VCAN: variants seen among roughly 807,000 people sequenced by gnomAD.
The protein encoded by VCAN is versican core protein.
In VCAN, 44 loss-of-function variants were observed where a neutral mutation model predicts 245.5. The ratio of observed to expected loss-of-function variants is 0.18; its 90% CI spans 0.14 to 0.23. The LOEUF (loss-of-function observed/expected upper bound fraction) is 0.23. Among genes scored for constraint, VCAN ranks in the 10% least tolerant of loss-of-function variants. The probability of loss-of-function intolerance (pLI) is 1.00; values close to 1 mark genes in which losing one functional copy is unlikely to be tolerated. For synonymous variants in VCAN, 1,413 were observed against 1,437.0 expected, an observed-to-expected ratio of 0.98 and a Z score of 0.38; for missense variants, 3,793 against 4,057.9, an observed-to-expected ratio of 0.93 and a Z score of 1.77.
rs1412824553 is a variant in VCAN, at chr5:83,520,662, G to A, written c.2356G>A (p.Val786Met). The change falls in exon 7 of 15, where the codon GTG (valine) becomes ATG (methionine). Residue 786 changes from valine to methionine, a missense_variant. By Grantham distance (21) the Val-to-Met change is conservative (BLOSUM62 1). Coordinates refer to ENST00000265077, the MANE Select transcript of VCAN (RefSeq NM_004385.5). ...TTKYDENITT[V>M]LLAHGTLSVE... ...AAAATATGATGAAAATATTACAACAGTGCTTTTGGCCCATGGTACTTTAAG... is the reference window on the plus strand; with the variant it reads ...AAAATATGATGAAAATATTACAACAATGCTTTTGGCCCATGGTACTTTAAG... The A allele has an allele frequency of 1.2e-6, 2 of 1,614,008 alleles. No homozygotes were observed. The highest frequency in any genetic ancestry group is 2.2e-5 in the South Asian group (2 of 91,086).
rs544824558 is a variant in VCAN, at chr5:83,522,118, C to T, written c.3812C>T (p.Thr1271Ile). The change falls in exon 7 of 15, where the codon ACA (threonine) becomes ATA (isoleucine). Residue 1271 changes from threonine (T) to isoleucine (I), a missense_variant. By Grantham distance (89) the Thr-to-Ile change is moderately conservative. Coordinates refer to ENST00000265077, the MANE Select transcript of VCAN (RefSeq NM_004385.5). ...CTTGAAGATATTGTAGCCAAGGAAA[C>T]AGAAACCGATATTGATAGAGAGTAT... Reference protein sequence around the residue: ...TTLEDIVAKETETDIDREYFT... With the variant: ...TTLEDIVAKEIETDIDREYFT... The T allele has an allele frequency of 1.2e-6, 2 of 1,614,038 alleles. No homozygotes were observed. Among genetic ancestry groups the T allele is most frequent in the Admixed American group, 3.3e-5 (2 of 60,016 alleles).
chr5:83,520,112 A>G lies in VCAN; in HGVS notation c.1806A>G (p.Ala602=), dbSNP rs1746022253. ...THLEDLESVS[A]STTVSPLIMP... ...TAGAAGACTTGGAGTCAGTCTCAGC[A>G]TCCACAACTGTTTCCCCTTTAATTA... The change falls in exon 7 of 15, where the codon GCA becomes GCG. Residue 602 remains alanine, a synonymous_variant. Coordinates refer to ENST00000265077, the MANE Select transcript of VCAN (RefSeq NM_004385.5). 6.2e-7 allele frequency: 1 copy of G among 1,614,082 alleles called. No individual in the cohort carries two copies. Among genetic ancestry groups the G allele is most frequent in the Non-Finnish European group, 8.5e-7 (1 of 1,179,970 alleles).
intron 9 of VCAN, among the ~76,000 whole-genome samples, chr5:83,546,947 T>A (rs961585557): frequency 3.3e-5 from 5 of 152,194 alleles, no homozygotes; most frequent in Admixed American, 2.0e-4. Flanking sequence ...GGAGATCATA[T>A]GTAGAAAGAT....
intron 1 of VCAN, among the ~76,000 whole-genome samples, chr5:83,482,576 A>G (rs1224447485): frequency 6.6e-6 from 1 of 152,210 alleles, no homozygotes; most frequent in African/African-American, 2.4e-5. Context: ...GCTACCGAGG[A>G]GGGCACAACT....
intron 2 of VCAN, among the ~76,000 whole-genome samples, chr5:83,488,852 A>G (rs1744873059): frequency 6.6e-6 from 1 of 152,194 alleles, no homozygotes; most frequent in Non-Finnish European, 1.5e-5. Context: ...ATTATTTTGG[A>G]TTTATTTGCA....
intron 2 of VCAN, 35 bp from the exon 3 acceptor site, chr5:83,490,063 A>G (rs1744926165): frequency 6.2e-7 from 1 of 1,612,288 alleles, no homozygotes. Flanking sequence ...TGGGTTTTTT[A>G]AGATTGTTAA....
chr5:83,521,507 G>T lies in VCAN; in HGVS notation c.3201G>T (p.Glu1067Asp), dbSNP rs201157092. The change falls in exon 7 of 15, where the codon GAG (glutamate) becomes GAT (aspartate). Residue 1067 changes from glutamate to aspartate, a missense_variant. Physicochemically the swap from Glu to Asp is conservative, Grantham distance 45 (BLOSUM62 2). Around this residue, in one of 5 missense-constraint regions of VCAN, gnomAD observed 3,182 missense variants for 3,250.3 expected, o/e 0.98. Coordinates refer to ENST00000265077, the MANE Select transcript of VCAN (RefSeq NM_004385.5). ...CAGTAACACCACTGGATGAACAAGA[G>T]GGCGATGGATCAGCATATACAGTCT... ...KEAVTPLDEQ[E>D]GDGSAYTVSE... The T allele has an allele frequency of 1.9e-6, 3 of 1,614,092 alleles. No individual in the cohort carries two copies. The highest frequency in any genetic ancestry group is 2.5e-6 in the Non-Finnish European group (3 of 1,180,012).
rs1747032491 is a variant in VCAN, at chr5:83,542,167, T to C, written c.9164T>C (p.Val3055Ala). ...TVNPVEFNTE[V>A]ATPPFSLLET... ...AACCCTGTGGAATTTAATACTGAGG[T>C]TGCAACACCACCATTTTCCCTTCTG... Residue 3055 changes from valine (V) to alanine (A), a missense_variant, in exon 8 of 15, where the codon GTT becomes GCT. Transcript: ENST00000265077. 1.9e-6 allele frequency: 3 copies of C among 1,613,956 alleles called. No homozygotes were observed. The highest frequency in any genetic ancestry group is 2.7e-5 in the African/African-American group (2 of 74,898).
chr5:83,481,657 C>T (rs1464072410), intron 1 of VCAN, among the ~76,000 whole-genome samples: 1 of 151,998 alleles, frequency 6.6e-6, no homozygotes, highest in African/African-American at 2.4e-5. Flanking sequence ...ATATGTTTTT[C>T]ATTGTGAATT....
intron 1 of VCAN, among the ~76,000 whole-genome samples, chr5:83,475,746 C>T (rs1168428589): frequency 1.3e-5 from 2 of 152,186 alleles, no homozygotes; most frequent in African/African-American, 4.8e-5. Flanking sequence ...TGAGCAATTA[C>T]TTCCTCCAGC....
intron 12 of VCAN, among the ~76,000 whole-genome samples, chr5:83,561,380 A>C (rs702500): frequency 0.34 from 51,732 of 151,994 alleles, 9,287 homozygotes; most frequent in African/African-American, 0.44. Flanking sequence ...TAAAAAAAAA[A>C]CTAATTGATA....
At chr5:83,517,022 G>T (rs1745877390) in intron 6 of VCAN, among the ~76,000 whole-genome samples, 1 of 152,026 alleles carries the variant, frequency 6.6e-6, no homozygotes. Context: ...TTAAAATAGG[G>T]CTCTAAAATT....
At chr5:83,487,020 AT>A (rs1407939222) in intron 2 of VCAN, among the ~76,000 whole-genome samples, 1 of 152,154 alleles carries the variant, frequency 6.6e-6, no homozygotes, top group African/African-American at 2.4e-5. Context: ...TATGGGCTTT[AT>A]TTTAACCCAA....
chr5:83,514,200 T>C (rs1425141171), intron 6 of VCAN, among the ~76,000 whole-genome samples: 1 of 152,202 alleles, frequency 6.6e-6, no homozygotes, highest in East Asian at 1.9e-4. Flanking sequence ...CATTTACATG[T>C]ATGTAACTTG....
At chr5:83,529,265 T>A (rs924755679) in intron 7 of VCAN, among the ~76,000 whole-genome samples, 1 of 150,968 alleles carries the variant, frequency 6.6e-6, no homozygotes, top group Non-Finnish European at 1.5e-5. Context: ...CTGTCAACAT[T>A]GTTACAGGAG....
At chr5:83,490,501 A>T in intron 3 of VCAN, 29 bp downstream of exon 3, 1 of 1,612,568 alleles carries the variant, frequency 6.2e-7, no homozygotes, top group East Asian at 2.2e-5. Flanking sequence ...GCAAGAAGGT[A>T]GTATAACATG....
Position 83,541,502 on chromosome 5 carries a change from A to C in VCAN, c.8499A>C (p.Ser2833=). 6.2e-7 allele frequency: 1 copy of C among 1,614,020 alleles called. No homozygotes were observed. The highest frequency in any genetic ancestry group is 8.5e-7 in the Non-Finnish European group (1 of 1,180,000). Residue 2833 remains serine (S), a synonymous_variant, in exon 8 of 15, where the codon TCA becomes TCC. Coordinates refer to ENST00000265077, the MANE Select transcript of VCAN (RefSeq NM_004385.5). ...CATCATCTCCCCTCACTATCTACTCAGGCAGTGAAGCCTCTGGACACACAG... is the reference window on the plus strand; with the variant it reads ...CATCATCTCCCCTCACTATCTACTCCGGCAGTGAAGCCTCTGGACACACAG... ...QTPSSPLTIY[S]GSEASGHTEI... is the part of the protein sequence containing the mutation.
chr5:83,475,687 G>T (rs1481017256), intron 1 of VCAN, among the ~76,000 whole-genome samples: 1 of 152,186 alleles, frequency 6.6e-6, no homozygotes, highest in African/African-American at 2.4e-5. Context: ...GAATTGTATT[G>T]TCTGCCCGCA....
At chr5:83,551,544 G>A (rs1028207396) in intron 10 of VCAN, among the ~76,000 whole-genome samples, 1 of 151,870 alleles carries the variant, frequency 6.6e-6, no homozygotes, top group African/African-American at 2.4e-5. Flanking sequence ...GACAAAAAAG[G>A]GGAAACCAAA....
Sources: gnomAD v4.1 joint callset for allele counts (sites outside exome capture counted in the v4.1 genomes callset) on GRCh38, gnomAD v4.1.1 for gene constraint, gnomAD v4.1.1 regional missense constraint, MANE v1.5 for transcripts, NCBI Gene and HGNC (gene_info 2026-07-23, HGNC 2026-07-21) for gene names.